The following WBP2 variants were observed in gnomAD, a reference collection of about 807,000 sequenced individuals.
The protein encoded by WBP2 is WW domain binding protein 2, also known as WW domain-binding protein 2.
Under a neutral mutation model 33.0 loss-of-function variants are expected in WBP2, and 23 were observed. That is an observed-to-expected ratio of 0.70 (90% CI 0.50 to 0.99). WBP2 has a LOEUF of 0.99. Ranked by LOEUF, WBP2 falls within the 50% of genes least tolerant of loss-of-function variation. The probability of loss-of-function intolerance (pLI) is 0.00; values close to 1 mark genes in which losing one functional copy is unlikely to be tolerated. For missense variants in WBP2, 353 were observed against 358.0 expected (o/e 0.99, Z 0.11); for synonymous variants, 153 against 133.5 (o/e 1.15, Z -1.01).
intron 4 of WBP2, 95 bp downstream of exon 4, chr17:75,848,475 G>C (rs1278311471): frequency 8.1e-7 from 1 of 1,228,670 alleles, no homozygotes; most frequent in African/African-American, 1.5e-5. Flanking sequence ...TACCTCTTGA[G>C]TTCTTGAAAA....
chr17:75,847,697 G>A, intron 5 of WBP2, 88 bp from the exon 6 acceptor site: 1 of 1,582,624 alleles, frequency 6.3e-7, no homozygotes, highest in Non-Finnish European at 8.6e-7. Context: ...CTCCTTCGTT[G>A]GTCCTGAAGC....
chr17:75,848,763 G>A, intron 3 of WBP2, 101 bp from the exon 4 acceptor site: 6 of 1,052,894 alleles, frequency 5.7e-6, no homozygotes, highest in Non-Finnish European at 8.5e-6. Flanking sequence ...ACGCCCGGGA[G>A]GCCTGCGGGG....
chr17:75,851,590 G>C lies in WBP2; in HGVS notation c.146C>G (p.Thr49Ser), dbSNP rs753508443. ...CACCCGGTAAGGGGTAAGGTAGACA[G>C]TGCCTTTCTTGGTCCCTTTGAAGGC... Reference protein sequence around the residue: ...PEAFKGTKKGTVYLTPYRVIF... With the variant: ...PEAFKGTKKGSVYLTPYRVIF... Residue 49 changes from threonine to serine, a missense_variant, in exon 2 of 8, where the codon ACT (threonine) becomes AGT (serine). Physicochemically the swap from Thr to Ser is moderately conservative, Grantham distance 58. Transcript: ENST00000254806. The C allele has an allele frequency of 1.2e-6, 2 of 1,613,548 alleles. No individual in the cohort carries two copies. The highest frequency in any genetic ancestry group is 2.7e-5 in the African/African-American group (2 of 74,922).
chr17:75,851,298 C>T (rs771105861), intron 2 of WBP2: 68 of 329,568 alleles, frequency 2.1e-4, no homozygotes, highest in Non-Finnish European at 3.0e-4. Flanking sequence ...GTCATGCCAG[C>T]GGCTGCATCC....
Position 75,847,918 on chromosome 17 carries a change from T to C in WBP2, c.410A>G (p.Glu137Gly), listed in dbSNP as rs35490322. The change falls in exon 5 of 8, where the codon GAA becomes GGA. Residue 137 changes from glutamate to glycine, a missense_variant. Glu to Gly is a moderately conservative substitution (Grantham distance 98). Coordinates refer to ENST00000254806, the MANE Select transcript of WBP2 (RefSeq NM_012478.4). Reference protein sequence around the residue: ...LQVASQASRGEVPSGAYGYSY... With the variant: ...LQVASQASRGGVPSGAYGYSY... The stretch of plus-strand genomic sequence containing the variant: ...GTAGCCATAGGCTCCACTGGGGACT[T>C]CACCTCTGGAGGCTACGAGTACAAG... 1 of 1,564,132 alleles carries C rather than the reference T, an allele frequency of 6.4e-7. No individual in the cohort carries two copies. The highest frequency in any genetic ancestry group is 1.4e-5 in the African/African-American group (1 of 73,518).
At chr17:75,850,068 G>C (rs1465203640) in intron 2 of WBP2, among the ~76,000 whole-genome samples, 2 of 152,116 alleles carry the variant, frequency 1.3e-5, no homozygotes, top group Non-Finnish European at 2.9e-5. Flanking sequence ...GGAAGGACAG[G>C]CAGAGGCAAG....
Position 75,846,452 on chromosome 17 carries a change from T to G in WBP2, c.*282A>C. Reference sequence around the variant, plus strand: ...TCCCTTCGAGGGGAGAAGCTGAGAGTGAAACAGGAACAGGGGATGCTCCGT... The same window carrying G: ...TCCCTTCGAGGGGAGAAGCTGAGAGGGAAACAGGAACAGGGGATGCTCCGT... On this transcript the variant is annotated 3_prime_UTR_variant, in exon 8 of 8. Coordinates refer to ENST00000254806, the MANE Select transcript of WBP2 (RefSeq NM_012478.4). This position sits in a 1 kb window ranked among gnomAD's most constrained non-coding sequence, Gnocchi z 4.8. 4 of 484,644 alleles carry G rather than the reference T, an allele frequency of 8.3e-6. No individual in the cohort carries two copies. Among genetic ancestry groups the G allele is most frequent in the Admixed American group, 3.8e-5 (1 of 26,244 alleles). The allele number at this position is 484,644 out of a possible 1,614,324, so 30.0% of individuals were successfully genotyped here.
upstream of WBP2, among the ~76,000 whole-genome samples, chr17:75,856,044 T>A (rs1201106030): frequency 6.6e-6 from 1 of 151,920 alleles, no homozygotes; most frequent in Non-Finnish European, 1.5e-5. Context: ...CGCAGCCCCC[T>A]CTCCGGCCTC....
At chr17:75,849,858 G>T in intron 2 of WBP2, 119 bp from the exon 3 acceptor site, 1 of 1,375,468 alleles carries the variant, frequency 7.3e-7, no homozygotes, top group Admixed American at 2.1e-5. Flanking sequence ...GCAGCCCCAT[G>T]GCTCTCTCTG....
intron 3 of WBP2, chr17:75,849,143 C>A: frequency 4.7e-6 from 1 of 212,786 alleles, no homozygotes. Context: ...GTCTCAATAG[C>A]AAGGGCGGGC....
At chr17:75,851,507 G>A in intron 2 of WBP2, 61 bp downstream of exon 2, 39 of 1,336,228 alleles carry the variant, frequency 2.9e-5, no homozygotes, top group Non-Finnish European at 4.0e-5. Context: ...CTGAGACTAA[G>A]ACTCACGTCA....
upstream of WBP2, among the ~76,000 whole-genome samples, chr17:75,855,996 T>C (rs1015551173): frequency 3.9e-5 from 6 of 152,088 alleles, no homozygotes; most frequent in African/African-American, 1.4e-4. Context: ...GTGCCCCGCC[T>C]GGCTCCCACC....
chr17:75,855,657 C>T (rs1391175564), upstream of WBP2, among the ~76,000 whole-genome samples: 1 of 152,254 alleles, frequency 6.6e-6, no homozygotes, highest in Non-Finnish European at 1.5e-5. Context: ...CCCGCCTCTT[C>T]AGCCGGACGG....
At chr17:75,848,268 C>T (rs1265556448) in intron 4 of WBP2, 1 of 581,720 alleles carries the variant, frequency 1.7e-6, no homozygotes, top group Non-Finnish European at 3.1e-6. Context: ...GGCTGCGGAA[C>T]CGCAGTCGAA....
Position 75,849,701 on chromosome 17 carries a change from G to C in WBP2, c.207C>G (p.Ser69=), listed in dbSNP as rs773428044. 1.2e-5 allele frequency: 20 copies of C among 1,614,208 alleles called. No individual in the cohort carries two copies. The highest frequency in any genetic ancestry group is 1.7e-5 in the Non-Finnish European group (20 of 1,180,026). Reference sequence around the variant, plus strand: ...TCATGAGATAAAATGGCATCATGAAGGACTGCATGGCATCCTTGCCCTTGG... The same window carrying C: ...TCATGAGATAAAATGGCATCATGAACGACTGCATGGCATCCTTGCCCTTGG... ...FLSKGKDAMQ[S]FMMPFYLMKD... The change falls in exon 3 of 8, where the codon TCC becomes TCG. Residue 69 remains serine (S), a synonymous_variant. Coordinates refer to ENST00000254806, the MANE Select transcript of WBP2 (RefSeq NM_012478.4).
Position 75,851,973 on chromosome 17 carries a change from G to A in WBP2, c.60-297C>T, listed in dbSNP as rs574364647. 5.8e-4 allele frequency: 136 copies of A among 235,174 alleles called. 1 individual carries two copies. The highest frequency in any genetic ancestry group is 2.9e-3 in the African/African-American group (129 of 45,058). The allele number at this position is 235,174 out of a possible 1,614,324, so 14.6% of individuals were successfully genotyped here. ...AAAAAAATTAGCCAGGCACCGTGGCGGGCACCTGTAATCCCAGCTAGTCAG... is the reference window on the plus strand; with the variant it reads ...AAAAAAATTAGCCAGGCACCGTGGCAGGCACCTGTAATCCCAGCTAGTCAG... On this transcript the variant is annotated intron_variant, in intron 1 of 7. Coordinates refer to ENST00000254806, the MANE Select transcript of WBP2 (RefSeq NM_012478.4).
rs554476926 is a variant in WBP2, at chr17:75,849,809, TC to T, written c.169-71del. 1.9e-3 allele frequency: 2,949 copies of T among 1,580,846 alleles called. 9 individuals carry two copies. Among genetic ancestry groups the T allele is most frequent in the Middle Eastern group, 3.0e-3 (14 of 4,600 alleles). ...CACGCTGCCATGCTTCCCGCCTGCTTCCTGGGAGTGACGAATCCTCTCCCAG... is the reference window on the plus strand; with the variant it reads ...CACGCTGCCATGCTTCCCGCCTGCTTCTGGGAGTGACGAATCCTCTCCCAG... On this transcript the variant is annotated intron_variant, in intron 2 of 7. Transcript: ENST00000254806.
Position 75,846,845 on chromosome 17 carries a change from T to A in WBP2, c.733-58A>T. 6.2e-7 allele frequency: 1 copy of A among 1,611,052 alleles called. No homozygotes were observed. The highest frequency in any genetic ancestry group is 1.7e-5 in the Admixed American group (1 of 59,466). On this transcript the variant is annotated intron_variant, in intron 7 of 7. Coordinates refer to ENST00000254806, the MANE Select transcript of WBP2 (RefSeq NM_012478.4). The surrounding 1 kb of genome is among the most constrained non-coding windows in gnomAD (Gnocchi z 4.8). ...GAAGGTTTAAAACATGGTGCGGTCA[T>A]CCCCCTGCGGCTCCCAGCATCTGCG...
In WBP2 at chr17:75,846,996, A is replaced by C; in HGVS notation, c.656-12T>G. ...GGCCTTGGCTTCGGCTGTGAGAGCA[A>C]ACACACCTGGTGTCGGTGACAAGTT... On this transcript the variant is annotated splice_polypyrimidine_tract_variant and intron_variant, in intron 6 of 7. Transcript: ENST00000254806. The surrounding 1 kb of genome is among the most constrained non-coding windows in gnomAD (Gnocchi z 4.8). 6.2e-7 allele frequency: 1 copy of C among 1,613,880 alleles called. No individual in the cohort carries two copies. The highest frequency in any genetic ancestry group is 8.5e-7 in the Non-Finnish European group (1 of 1,179,908).
Sources: allele counts gnomAD v4.1 joint callset (sites outside exome capture counted in the v4.1 genomes callset), GRCh38; gene constraint gnomAD v4.1.1; non-coding constraint Gnocchi (gnomAD v3.1); transcripts MANE v1.5; gene names NCBI Gene and HGNC (gene_info 2026-07-23, HGNC 2026-07-21).